ZC3H8: variants seen among roughly 807,000 people sequenced by gnomAD.
The protein encoded by ZC3H8 is zinc finger CCCH domain-containing protein 8.
In ZC3H8, 27 loss-of-function variants were observed where a neutral mutation model predicts 42.5. That is an observed-to-expected ratio of 0.64 (90% CI 0.47 to 0.88). The LOEUF (loss-of-function observed/expected upper bound fraction) is 0.88, where lower values mean the gene tolerates loss of function less well. Ranked by LOEUF, ZC3H8 falls within the 40% of genes least tolerant of loss-of-function variation. The pLI is 0.00. For missense variants in ZC3H8, 277 were observed against 336.1 expected (o/e 0.82, Z 1.37); for synonymous variants, 101 against 110.1 (o/e 0.92, Z 0.52).
rs749841266 is a variant in ZC3H8 at position 112,212,696 on chromosome 2, G to C, written c.*3788C>G. ...CCAACTTTCCTCTCTGTTTTCTTCA[G>C]CTAGCACCCCTTGAAATCTTAAGAC... is the stretch of plus-strand genomic sequence containing the variant. On this transcript the variant is annotated 3_prime_UTR_variant, in exon 9 of 9. Coordinates refer to ENST00000409573, the MANE Select transcript of ZC3H8 (RefSeq NM_032494.3). The C allele has an allele frequency of 7.2e-5, 11 of 152,156 alleles. No homozygotes were observed. Among genetic ancestry groups the C allele is most frequent in the Non-Finnish European group, 1.5e-4 (10 of 68,058 alleles). 9.4% of individuals were successfully genotyped at this position (152,156 alleles called of 1,614,324 possible). A position where few individuals can be genotyped will look rare whatever the true frequency, so the allele number is the denominator to read the frequency against.
chr2:112,230,779 A>G, intron 8 of ZC3H8, 124 bp downstream of exon 8: 1 of 569,774 alleles, frequency 1.8e-6, no homozygotes, highest in Non-Finnish European at 2.7e-6. Flanking sequence ...ATATTTTATA[A>G]TTCTTTTTTA....
chr2:112,236,136 C>T (rs1443299819), intron 4 of ZC3H8, among the ~76,000 whole-genome samples: 9 of 151,916 alleles, frequency 5.9e-5, no homozygotes, highest in South Asian at 2.1e-4. Flanking sequence ...TGGTGGCGGG[C>T]GCCTGTAGTC....
chr2:112,233,985 C>T (rs1685208183), intron 5 of ZC3H8, 135 bp downstream of exon 5: 4 of 557,974 alleles, frequency 7.2e-6, no homozygotes, highest in Admixed American at 8.1e-5. Flanking sequence ...TAAAAGAATA[C>T]TTCACTAAAA....
At chr2:112,232,170 G>C (rs116456479) in intron 6 of ZC3H8, among the ~76,000 whole-genome samples, 2,495 of 152,092 alleles carry the variant, frequency 0.016, 71 homozygotes, top group African/African-American at 0.056. Flanking sequence ...AAATTAGCTG[G>C]GCATGGTGGC....
intron 7 of ZC3H8, among the ~76,000 whole-genome samples, chr2:112,231,533 G>T (rs1461833058): frequency 6.6e-6 from 1 of 152,044 alleles, no homozygotes; most frequent in Non-Finnish European, 1.5e-5. Context: ...TTTATAACAG[G>T]AGTACTATTT....
At chr2:112,249,474 C>T (rs555460938) in intron 2 of ZC3H8, among the ~76,000 whole-genome samples, 11 of 152,028 alleles carry the variant, frequency 7.2e-5, no homozygotes, top group African/African-American at 1.4e-4. Context: ...TTCGGAGTCT[C>T]GCTTTGTTGC....
intron 5 of ZC3H8, among the ~76,000 whole-genome samples, 177 bp from the exon 6 acceptor site, chr2:112,233,548 T>G (rs1253736828): frequency 8.6e-6 from 1 of 116,570 alleles, no homozygotes; most frequent in Non-Finnish European, 2.1e-5. Flanking sequence ...GCTTAAAATC[T>G]TCTTAAGTCC....
chr2:112,234,355 C>A, intron 4 of ZC3H8, 119 bp from the exon 5 acceptor site: 1 of 698,652 alleles, frequency 1.4e-6, no homozygotes, highest in Non-Finnish European at 2.3e-6. Flanking sequence ...TCTAAATTGG[C>A]CTTCATATGT....
chr2:112,231,205 A>G (rs191508792), intron 7 of ZC3H8, among the ~76,000 whole-genome samples: 100 of 152,296 alleles, frequency 6.6e-4, no homozygotes, highest in Admixed American at 3.0e-3. Context: ...TTTACAACCT[A>G]AAAATATCTA....
At chr2:112,222,261 CTGT>C (rs1684621711) in intron 8 of ZC3H8, among the ~76,000 whole-genome samples, 1 of 152,152 alleles carries the variant, frequency 6.6e-6, no homozygotes, top group African/African-American at 2.4e-5. Flanking sequence ...CAGCCCTAAT[CTGT>C]TGTTGTCTGT....
intron 8 of ZC3H8, among the ~76,000 whole-genome samples, chr2:112,219,712 T>C (rs1029347693): frequency 6.6e-6 from 1 of 152,032 alleles, no homozygotes; most frequent in Non-Finnish European, 1.5e-5. Flanking sequence ...TTTTAGAGTA[T>C]GTGTTATGTG....
At chr2:112,254,211 A>G in intron 1 of ZC3H8, 1 of 937,508 alleles carries the variant, frequency 1.1e-6, no homozygotes, top group Non-Finnish European at 1.3e-6. Context: ...TGAGGGAAAT[A>G]AAAGACGTAG....
chr2:112,232,047 G>C (rs929203174), intron 6 of ZC3H8, 100 bp from the exon 7 acceptor site: 18 of 621,090 alleles, frequency 2.9e-5, no homozygotes, highest in Non-Finnish European at 4.5e-5. Flanking sequence ...TCTGTGGCCG[G>C]GCGAGGTGGC....
intron 2 of ZC3H8, among the ~76,000 whole-genome samples, chr2:112,241,931 G>C (rs942971241): frequency 6.6e-6 from 1 of 152,154 alleles, no homozygotes; most frequent in Non-Finnish European, 1.5e-5. Flanking sequence ...GGCTTCACCA[G>C]ACTGCTAAAG....
intron 6 of ZC3H8, among the ~76,000 whole-genome samples, chr2:112,232,203 C>T (rs1685124077): frequency 6.6e-6 from 1 of 151,118 alleles, no homozygotes; most frequent in South Asian, 2.1e-4. Flanking sequence ...GTAATCCCAG[C>T]TACTCAGGAG....
At chr2:112,226,589 C>CAAAAAAAAAAAAAAAAAAA in intron 8 of ZC3H8, among the ~76,000 whole-genome samples, 1 of 74,226 alleles carries the variant, frequency 1.3e-5, no homozygotes, top group South Asian at 4.3e-4. Context: ...GACTCCATCT[C>CAAAAAAAAAAAAAAAAAAA]AAAAAAAAAA....
chr2:112,238,249 C>T (rs573872068), intron 3 of ZC3H8, 66 bp downstream of exon 3: 11 of 1,486,334 alleles, frequency 7.4e-6, no homozygotes, highest in East Asian at 6.8e-5. Flanking sequence ...ATCCTCTGTC[C>T]GTATATGGAC....
chr2:112,227,097 G>T (rs565381050), intron 8 of ZC3H8, among the ~76,000 whole-genome samples: 3 of 152,346 alleles, frequency 2.0e-5, no homozygotes, highest in African/African-American at 7.2e-5. Context: ...ATGTATTGGT[G>T]AAAGACTGAA....
chr2:112,236,729 A>C (rs1031861475), intron 3 of ZC3H8, 34 bp from the exon 4 acceptor site: 1 of 1,553,068 alleles, frequency 6.4e-7, no homozygotes, highest in African/African-American at 1.4e-5. Context: ...AAAATGACAT[A>C]AAGTTACAAT....
Sources: allele counts gnomAD v4.1 joint callset (sites outside exome capture counted in the v4.1 genomes callset), GRCh38; gene constraint gnomAD v4.1.1; transcripts MANE v1.5; gene names NCBI Gene and HGNC (gene_info 2026-07-23, HGNC 2026-07-21).